The following ZNF521 variants were observed in gnomAD, a reference collection of about 807,000 sequenced individuals.
ZNF521 encodes zinc finger protein 521.
Under a neutral mutation model 105.5 loss-of-function variants are expected in ZNF521, and 14 were observed. The observed-to-expected ratio is 0.13, with a 90% CI of 0.09 to 0.21. ZNF521 has a LOEUF of 0.21. ZNF521 is among the 10% of genes least tolerant of loss of function. The probability of loss-of-function intolerance (pLI) is 1.00; values close to 1 mark genes in which losing one functional copy is unlikely to be tolerated. For synonymous variants in ZNF521, 635 were observed against 606.0 expected, an observed-to-expected ratio of 1.05 and a Z score of -0.70; for missense variants, 1,233 against 1,629.7, an observed-to-expected ratio of 0.76 and a Z score of 4.19.
At chr18:25,186,153 A>G (rs2035718770) in intron 5 of ZNF521, among the ~76,000 whole-genome samples, 1 of 152,172 alleles carries the variant, frequency 6.6e-6, no homozygotes, top group Admixed American at 6.5e-5. Context: ...GTTATGGGGA[A>G]AAAAAGAGAT....
At chr18:25,297,182 G>A (rs995660982) in intron 3 of ZNF521, among the ~76,000 whole-genome samples, 3 of 151,162 alleles carry the variant, frequency 2.0e-5, no homozygotes, top group African/African-American at 7.3e-5. Flanking sequence ...CATAAAACAA[G>A]AGCCACATTC....
At chr18:25,340,056 C>A (rs1445834267) in intron 2 of ZNF521, among the ~76,000 whole-genome samples, 1 of 152,134 alleles carries the variant, frequency 6.6e-6, no homozygotes, top group Non-Finnish European at 1.5e-5. Context: ...AAAATGCTGT[C>A]TTTAAAGCAA....
intron 3 of ZNF521, among the ~76,000 whole-genome samples, chr18:25,239,629 A>G (rs113994732): frequency 9.3e-4 from 142 of 152,358 alleles, no homozygotes; most frequent in African/African-American, 3.1e-3. Context: ...AGGCGATGCT[A>G]GAATTGCTGA....
chr18:25,235,219 C>T (rs1906806261), intron 3 of ZNF521, among the ~76,000 whole-genome samples: 1 of 152,210 alleles, frequency 6.6e-6, no homozygotes, highest in Non-Finnish European at 1.5e-5. Context: ...TTAGAAAGTC[C>T]TTGAGGCCAA....
intron 3 of ZNF521, among the ~76,000 whole-genome samples, chr18:25,257,361 C>G (rs939276796): frequency 6.6e-6 from 1 of 151,888 alleles, no homozygotes; most frequent in African/African-American, 2.4e-5. Context: ...GTAGTGAGAC[C>G]CCTGGACAAC....
At chr18:25,129,954 T>C (rs1432483336) in intron 5 of ZNF521, among the ~76,000 whole-genome samples, 1 of 152,156 alleles carries the variant, frequency 6.6e-6, no homozygotes, top group Non-Finnish European at 1.5e-5. Flanking sequence ...AAGCATAATA[T>C]TAACATATTA....
intron 7 of ZNF521, among the ~76,000 whole-genome samples, chr18:25,071,892 G>C (rs1245488130): frequency 6.6e-6 from 1 of 152,184 alleles, no homozygotes; most frequent in South Asian, 2.1e-4. Context: ...CCTGGTGCGG[G>C]AGAGATGAGG....
At chr18:25,177,138 C>A (rs989803737) in intron 5 of ZNF521, among the ~76,000 whole-genome samples, 2 of 152,014 alleles carry the variant, frequency 1.3e-5, no homozygotes, top group Admixed American at 1.3e-4. Context: ...TTATTGTACA[C>A]TTTAAACTTA....
Position 25,313,335 on chromosome 18 carries a change from C to T in ZNF521, c.220+8673G>A, listed in dbSNP as rs543326048. 2.6e-4 allele frequency among the ~76,000 whole-genome samples: 37 copies of T among 143,038 alleles called. 2 individuals carry two copies. In the South Asian group the frequency reaches 8.1e-3, roughly 31 times the overall value. 93.8% of individuals were successfully genotyped at this position (143,038 alleles called of 152,430 possible). On this transcript the variant is annotated intron_variant, in intron 3 of 7. Transcript: ENST00000361524. ...ACAACTGATTTTTAAAAGTTTTCTGCAAAAAAAAAAACTGCAGGATACTGA... is the reference window on the plus strand; with the variant it reads ...ACAACTGATTTTTAAAAGTTTTCTGTAAAAAAAAAAACTGCAGGATACTGA...
intron 5 of ZNF521, among the ~76,000 whole-genome samples, chr18:25,095,296 A>G (rs1333471208): frequency 6.6e-6 from 1 of 152,108 alleles, no homozygotes; most frequent in Admixed American, 6.5e-5. Flanking sequence ...TCCTCTTCCT[A>G]AAGGTGCCAA....
At chr18:25,065,019 CTAA>C (rs2033016791) in intron 7 of ZNF521, among the ~76,000 whole-genome samples, 2 of 152,066 alleles carry the variant, frequency 1.3e-5, no homozygotes, top group South Asian at 4.1e-4. Context: ...AATAAAAGTA[CTAA>C]TGAGACCGAA....
chr18:25,112,436 C>T (rs2034210462), intron 5 of ZNF521, among the ~76,000 whole-genome samples: 1 of 152,134 alleles, frequency 6.6e-6, no homozygotes, highest in Admixed American at 6.5e-5. Flanking sequence ...TATTTAAGTG[C>T]TGACTCTGAG....
At chr18:25,276,181 A>G (rs982626768) in intron 3 of ZNF521, among the ~76,000 whole-genome samples, 1 of 152,080 alleles carries the variant, frequency 6.6e-6, no homozygotes, top group East Asian at 1.9e-4. Context: ...TATGCACAGC[A>G]AAGAGGGGCT....
At chr18:25,264,632 T>A (rs1355071545) in intron 3 of ZNF521, among the ~76,000 whole-genome samples, 2 of 152,216 alleles carry the variant, frequency 1.3e-5, no homozygotes, top group Non-Finnish European at 2.9e-5. Context: ...CATTCCTCTG[T>A]CAATTTTATT....
intron 3 of ZNF521, among the ~76,000 whole-genome samples, chr18:25,285,534 G>T (rs1171065513): frequency 6.6e-6 from 1 of 152,276 alleles, no homozygotes; most frequent in East Asian, 1.9e-4. Flanking sequence ...TCTACCTGAA[G>T]CACCATGTTT....
chr18:25,072,699 A>T (rs779877195), intron 7 of ZNF521, among the ~76,000 whole-genome samples: 125 of 152,338 alleles, frequency 8.2e-4, no homozygotes, highest in Non-Finnish European at 1.4e-3. Flanking sequence ...TAAAGCCAGC[A>T]CCAGTGAGAG....
intron 5 of ZNF521, among the ~76,000 whole-genome samples, chr18:25,137,312 G>C (rs1428932814): frequency 6.6e-6 from 1 of 152,022 alleles, no homozygotes; most frequent in African/African-American, 2.4e-5. Context: ...GGTGGAGAAG[G>C]CTCCTTCAAA....
chr18:25,293,564 A>C (rs1369620390), intron 3 of ZNF521, among the ~76,000 whole-genome samples: 1 of 152,186 alleles, frequency 6.6e-6, no homozygotes, highest in African/African-American at 2.4e-5. Flanking sequence ...ATTATTTCCA[A>C]ACTTTAATTG....
chr18:25,322,300 G>A, intron 2 of ZNF521, 113 bp from the exon 3 acceptor site: 1 of 1,048,242 alleles, frequency 9.5e-7, no homozygotes, highest in Non-Finnish European at 1.5e-6. Context: ...AGTTGCAATA[G>A]GAGGGCTTCA....
Sources: gnomAD v4.1 joint callset for allele counts (sites outside exome capture counted in the v4.1 genomes callset) on GRCh38, gnomAD v4.1.1 for gene constraint, MANE v1.5 for transcripts, NCBI Gene and HGNC (gene_info 2026-07-23, HGNC 2026-07-21) for gene names.